Variants in ANKLE2 observed in about 807,000 individuals in gnomAD.
ANKLE2 encodes ankyrin repeat and LEM domain containing 2, also known as ankyrin repeat and LEM domain-containing protein 2.
Under a neutral mutation model 84.2 loss-of-function variants are expected in ANKLE2, and 55 were observed. The observed-to-expected ratio is 0.65, with a 90% CI of 0.53 to 0.82. The LOEUF (loss-of-function observed/expected upper bound fraction) is 0.82, where lower values mean the gene tolerates loss of function less well. Ranked by LOEUF, ANKLE2 falls within the 40% of genes least tolerant of loss-of-function variation. ANKLE2 has a pLI of 0.00. For missense variants in ANKLE2, 1,238 were observed against 1,201.9 expected (o/e 1.03, Z -0.44); for synonymous variants, 551 against 486.1 (o/e 1.13, Z -1.76).
rs768769425 is a variant in ANKLE2, at chr12:132,730,006, G to T, written c.2156C>A (p.Pro719His). 7.4e-6 allele frequency: 12 copies of T among 1,613,118 alleles called. No individual in the cohort carries two copies. The highest frequency in any genetic ancestry group is 1.3e-5 in the African/African-American group (1 of 74,888). The change falls in exon 11 of 13, where the codon CCC becomes CAC. Residue 719 changes from proline (P) to histidine (H), a missense_variant. Pro to His is a moderately conservative substitution (Grantham distance 77). Transcript: ENST00000357997. ...RTLAGKRPKA[P>H]RGEEAHLPPV... The stretch of plus-strand genomic sequence containing the variant: ...TGGCAGATGGGCTTCCTCCCCACGG[G>T]GGGCCTTTGGTCTCTTGCCCGCCAG...
At chr12:132,760,722 C>T (rs936868188) in intron 1 of ANKLE2, 21 of 152,296 alleles carry the variant, frequency 1.4e-4, no homozygotes, top group African/African-American at 4.3e-4. Flanking sequence ...CCCCCACGTA[C>T]TATCTGGAAG....
intron 1 of ANKLE2, chr12:132,758,933 G>GTTTCTGGTAATTACAAATAA (rs1566041446): frequency 7.9e-5 from 11 of 139,768 alleles, no homozygotes; most frequent in African/African-American, 2.6e-4. Context: ...CCACGTGGCA[G>GTTTCTGGTAATTACAAATAA]AGTGGATCAC....
intron 7 of ANKLE2, among the ~76,000 whole-genome samples, chr12:132,739,064 T>C (rs146298563): frequency 1.3e-4 from 19 of 151,910 alleles, no homozygotes; most frequent in Non-Finnish European, 2.4e-4. Context: ...TGAGCACACA[T>C]GGACACAAAG....
rs2043702349 is a variant in ANKLE2, at chr12:132,726,527, T to G, written c.*715A>C. ...ACGTGCTGAGGAAACAGGGAACACC[T>G]TGGCGCCGCTGCTGAGCTCTGTGTT... On this transcript the variant is annotated 3_prime_UTR_variant, in exon 13 of 13. Transcript: ENST00000357997. The G allele has an allele frequency of 6.6e-6, 1 of 152,240 alleles. No homozygotes were observed. The highest frequency in any genetic ancestry group is 2.4e-5 in the African/African-American group (1 of 41,438). 9.4% of individuals were successfully genotyped at this position (152,240 alleles called of 1,614,324 possible).
intron 6 of ANKLE2, chr12:132,742,220 C>A (rs896089505): frequency 2.3e-4 from 30 of 130,910 alleles, no homozygotes; most frequent in South Asian, 4.0e-4. Context: ...CACACACACA[C>A]AAAAAGAATC....
intron 6 of ANKLE2, chr12:132,742,593 A>T (rs1439433061): frequency 6.6e-6 from 1 of 152,296 alleles, no homozygotes; most frequent in African/African-American, 2.4e-5. Flanking sequence ...GCCTGACTGA[A>T]GGCTTGTCTG....
Position 132,741,504 on chromosome 12 carries a change from T to C in ANKLE2, c.1354-19A>G, listed in dbSNP as rs757195651. On this transcript the variant is annotated intron_variant, in intron 6 of 12. Coordinates refer to ENST00000357997, the MANE Select transcript of ANKLE2 (RefSeq NM_015114.3). ...AAATTACCTATTGGAAAAAAAAGTG[T>C]GTCTAAATCTTATTTGATCGCAACA... The C allele has an allele frequency of 7.5e-6, 12 of 1,609,530 alleles. No homozygotes were observed. The highest frequency in any genetic ancestry group is 1.3e-5 in the African/African-American group (1 of 74,854).
intron 5 of ANKLE2, among the ~76,000 whole-genome samples, chr12:132,744,190 G>A (rs561337380): frequency 1.5e-3 from 228 of 152,210 alleles, no homozygotes; most frequent in African/African-American, 5.3e-3. Flanking sequence ...ACAGACCAGC[G>A]GGCCTCATGG....
Position 132,728,176 on chromosome 12 carries a change from A to G in ANKLE2, c.2484-13T>C, listed in dbSNP as rs940609433. ...TGATGGCTCCTCTCTAGAAAGCACA[A>G]TAAAAGAAGCAAAAACATCTTTGGT... On this transcript the variant is annotated splice_polypyrimidine_tract_variant and intron_variant, in intron 11 of 12. Coordinates refer to ENST00000357997, the MANE Select transcript of ANKLE2 (RefSeq NM_015114.3). 2 of 1,605,662 alleles carry G rather than the reference A, an allele frequency of 1.2e-6. No individual in the cohort carries two copies. The highest frequency in any genetic ancestry group is 1.7e-6 in the Non-Finnish European group (2 of 1,178,260).
chr12:132,745,707 C>A, intron 5 of ANKLE2: 1 of 186,242 alleles, frequency 5.4e-6, no homozygotes, highest in Non-Finnish European at 1.2e-5. Flanking sequence ...ATCTCCCTTC[C>A]TCAGCAGGGA....
chr12:132,757,876 T>TG (rs2044519318), intron 1 of ANKLE2: 1 of 149,268 alleles, frequency 6.7e-6, no homozygotes. Context: ...TCCAACTACT[T>TG]GGGGGGCTGA....
At position 132,761,630 on chromosome 12, in the gene ANKLE2, C is replaced by T; in HGVS notation, c.169G>A (p.Ala57Thr). 1.6e-6 allele frequency: 2 copies of T among 1,257,456 alleles called. No homozygotes were observed. Among genetic ancestry groups the T allele is most frequent in the South Asian group, 2.7e-5 (1 of 36,524 alleles). The allele number at this position is 1,257,456 out of a possible 1,614,324, so 77.9% of individuals were successfully genotyped here. ...TPVPPPSAAA[A>T]PASGEMTMDA... ...GCCTGGGCCTTACCTGAGGCGGGGG[C>T]GGCGGCCGCGCTTGGCGGAGGAACT... Residue 57 changes from alanine (A) to threonine (T), a missense_variant, in exon 1 of 13, where the codon GCC (alanine) becomes ACC (threonine). By Grantham distance (58) the Ala-to-Thr change is moderately conservative. Coordinates refer to ENST00000357997, the MANE Select transcript of ANKLE2 (RefSeq NM_015114.3).
At chr12:132,761,359 C>G (rs1414756961) in intron 1 of ANKLE2, 1 of 311,492 alleles carries the variant, frequency 3.2e-6, no homozygotes, top group Non-Finnish European at 5.8e-6. Context: ...CCGCCTTCCC[C>G]GGAGGCTGCT....
chr12:132,746,120 G>A (rs558262078), intron 5 of ANKLE2, among the ~76,000 whole-genome samples: 12 of 151,846 alleles, frequency 7.9e-5, no homozygotes, highest in East Asian at 3.9e-4. Flanking sequence ...AGGCCAAGGC[G>A]GGCCGATCAC....
chr12:132,735,583 C>T (rs1018356873), intron 8 of ANKLE2, 71 bp from the exon 9 acceptor site: 3 of 1,259,384 alleles, frequency 2.4e-6, no homozygotes, highest in Non-Finnish European at 1.1e-6. Flanking sequence ...CCTGAAGAGC[C>T]GTCGTCATCG....
rs751615849 is a variant in ANKLE2, at chr12:132,730,255, G to A, written c.1907C>T (p.Ser636Phe). ...ATCTTCATCTAGAAACGCCCTCACGGAAATGGAATTGCTGCCTGTGAGGAC... is the reference window on the plus strand; with the variant it reads ...ATCTTCATCTAGAAACGCCCTCACGAAAATGGAATTGCTGCCTGTGAGGAC... ...KATTSGSNSISVRAFLDEDDM... is the reference protein window; with the variant it reads ...KATTSGSNSIFVRAFLDEDDM... The change falls in exon 11 of 13, where the codon TCC becomes TTC. Residue 636 changes from serine to phenylalanine, a missense_variant. Transcript: ENST00000357997. 2 of 1,562,638 alleles carry A rather than the reference G, an allele frequency of 1.3e-6. No individual in the cohort carries two copies. The highest frequency in any genetic ancestry group is 2.3e-5 in the East Asian group (1 of 44,356).
intron 1 of ANKLE2, chr12:132,759,867 C>T (rs2044585655): frequency 6.6e-6 from 1 of 152,096 alleles, no homozygotes; most frequent in South Asian, 2.1e-4. Context: ...GGTGCGATGG[C>T]TCACACCTGT....
At position 132,748,289 on chromosome 12, in the gene ANKLE2, C is replaced by T. The variant is rs774587412; in HGVS notation, c.890G>A (p.Arg297Gln). ...GCGGGGATTTTTGTAACTGTTCGCT[C>T]GCTCTTTGTTGACTGTTTCTGATTC... ...LSESETVNKE[R>Q]ANSYKNPRTQ... Residue 297 changes from arginine (R) to glutamine (Q), a missense_variant, in exon 4 of 13, where the codon CGA becomes CAA. Physicochemically the swap from Arg to Gln is conservative, Grantham distance 43. This residue lies in a region of ANKLE2 where 422 missense variants were observed against 394.5 expected (regional missense o/e 1.07). Coordinates refer to ENST00000357997, the MANE Select transcript of ANKLE2 (RefSeq NM_015114.3). 5.0e-6 allele frequency: 8 copies of T among 1,614,066 alleles called. No homozygotes were observed. The African/African-American group carries it at 5.3e-5, about 11-fold the overall frequency.
In ANKLE2 at chr12:132,750,691, G is replaced by A; in HGVS notation, c.799C>T (p.Leu267=). 6.2e-7 allele frequency: 1 copy of A among 1,614,258 alleles called. No individual in the cohort carries two copies. The highest frequency in any genetic ancestry group is 2.2e-5 in the East Asian group (1 of 44,884). ...AGTGGAGCTGTTTTCACAGGAGACAGTGGTAAGGACGTTTTGCTTGGAGAA... is the reference window on the plus strand; with the variant it reads ...AGTGGAGCTGTTTTCACAGGAGACAATGGTAAGGACGTTTTGCTTGGAGAA... The part of the protein sequence containing the change: ...FPSPSKTSLP[L]SPVKTAPLFS... The change falls in exon 3 of 13, where the codon CTG becomes TTG. Residue 267 remains leucine, a synonymous_variant. Transcript: ENST00000357997.
Sources: gnomAD v4.1 joint callset for allele counts (sites outside exome capture counted in the v4.1 genomes callset) on GRCh38, gnomAD v4.1.1 for gene constraint, gnomAD v4.1.1 regional missense constraint, MANE v1.5 for transcripts, NCBI Gene and HGNC (gene_info 2026-07-23, HGNC 2026-07-21) for gene names.